USP25: variants seen among roughly 807,000 people sequenced by gnomAD.
USP25 encodes ubiquitin specific peptidase 25.
In USP25, 85 loss-of-function variants were observed where a neutral mutation model predicts 158.5. The ratio of observed to expected loss-of-function variants is 0.54; its 90% CI spans 0.45 to 0.64. The LOEUF (loss-of-function observed/expected upper bound fraction) is 0.64, where lower values mean the gene tolerates loss of function less well. Among genes scored for constraint, USP25 ranks in the 30% least tolerant of loss-of-function variants. The pLI, the probability that USP25 is intolerant of heterozygous loss-of-function variation, is 0.00. For synonymous variants in USP25, 464 were observed against 460.4 expected, an observed-to-expected ratio of 1.01 and a Z score of -0.10; for missense variants, 1,242 against 1,327.3, an observed-to-expected ratio of 0.94 and a Z score of 1.00.
At chr21:15,781,468 A>T (rs1172015903) in intron 4 of USP25, among the ~76,000 whole-genome samples, 1 of 152,160 alleles carries the variant, frequency 6.6e-6, no homozygotes, top group Non-Finnish European at 1.5e-5. Flanking sequence ...GACTGATGGG[A>T]AGTGATGTCA....
chr21:15,839,792 C>T (rs1227959471), intron 17 of USP25, among the ~76,000 whole-genome samples: 1 of 152,098 alleles, frequency 6.6e-6, no homozygotes, highest in Admixed American at 6.6e-5. Flanking sequence ...TTCATCTACA[C>T]CAGATTACTC....
chr21:15,799,274 G>A (rs1447541555), intron 5 of USP25, among the ~76,000 whole-genome samples: 3 of 151,136 alleles, frequency 2.0e-5, no homozygotes, highest in Non-Finnish European at 4.5e-5. Context: ...TCTATTACAT[G>A]TCTGTCTCCT....
At chr21:15,811,017 G>C in intron 8 of USP25, 120 bp from the exon 9 acceptor site, 1 of 803,448 alleles carries the variant, frequency 1.2e-6, no homozygotes, top group Admixed American at 2.6e-5. Flanking sequence ...AGAGCTAAAT[G>C]CAAGTGCGTG....
chr21:15,788,096 G>A (rs887440260), intron 4 of USP25, among the ~76,000 whole-genome samples: 4 of 151,910 alleles, frequency 2.6e-5, no homozygotes, highest in Non-Finnish European at 5.9e-5. Flanking sequence ...TGATAGGTCA[G>A]ACTCGTTTTT....
chr21:15,878,247 C>A, intron 25 of USP25, 56 bp from the exon 26 acceptor site: 1 of 1,559,700 alleles, frequency 6.4e-7, no homozygotes, highest in Admixed American at 1.9e-5. Flanking sequence ...ATCATGTTGA[C>A]AATGATCGTG....
At chr21:15,751,823 T>C (rs1161689585) in intron 1 of USP25, among the ~76,000 whole-genome samples, 1 of 152,226 alleles carries the variant, frequency 6.6e-6, no homozygotes, top group Non-Finnish European at 1.5e-5. Context: ...ACTTAGCTTA[T>C]AGTGCTGAGT....
chr21:15,815,873 G>A (rs1033251116), intron 9 of USP25, among the ~76,000 whole-genome samples: 5 of 152,190 alleles, frequency 3.3e-5, no homozygotes, highest in Non-Finnish European at 5.9e-5. Flanking sequence ...TTACAGGCTT[G>A]TAGGCGGAAG....
At chr21:15,854,703 G>C (rs1392888069) in intron 20 of USP25, among the ~76,000 whole-genome samples, 1 of 152,262 alleles carries the variant, frequency 6.6e-6, no homozygotes, top group East Asian at 1.9e-4. Context: ...AAGTGGACTT[G>C]CTAAAGTTTA....
At chr21:15,771,683 T>C (rs9983205) in intron 3 of USP25, among the ~76,000 whole-genome samples, 16,734 of 123,558 alleles carry the variant, frequency 0.14, 938 homozygotes, top group African/African-American at 0.27. Context: ...TTTTTTTTTC[T>C]TTTTTTTTCC....
At chr21:15,787,902 A>T (rs867785366) in intron 4 of USP25, among the ~76,000 whole-genome samples, 4 of 83,642 alleles carry the variant, frequency 4.8e-5, no homozygotes, top group East Asian at 4.0e-4. Flanking sequence ...ACACCCCCTC[A>T]CCCCCCCCCC....
At position 15,864,355 on chromosome 21, in the gene USP25, G is replaced by A. The variant is rs142929561; in HGVS notation, c.2635G>A (p.Val879Ile). 3.3e-5 allele frequency: 54 copies of A among 1,613,438 alleles called. No homozygotes were observed. Among genetic ancestry groups the A allele is most frequent in the Non-Finnish European group, 4.2e-5 (50 of 1,179,868 alleles). The part of the protein sequence containing the change: ...ETDYRLHHVV[V>I]YFIQNQAPKK... ...CGATTATCGTTTACATCATGTAGTG[G>A]TCTACTTTATCCAGAACCAGGCACC... Residue 879 changes from valine (V) to isoleucine (I), a missense_variant, in exon 21 of 26, where the codon GTC becomes ATC. By Grantham distance (29) the Val-to-Ile change is conservative (BLOSUM62 3). Coordinates refer to ENST00000400183, the MANE Select transcript of USP25 (RefSeq NM_001283041.3).
At chr21:15,833,584 A>G (rs374474940) in intron 17 of USP25, 36 bp downstream of exon 17, 6 of 1,552,330 alleles carry the variant, frequency 3.9e-6, no homozygotes, top group Non-Finnish European at 4.4e-6. Context: ...TTTGATTATC[A>G]ATATTATTTT....
rs751328708 is a variant in USP25, at chr21:15,877,965, G to C, written c.3179G>C (p.Cys1060Ser). The C allele has an allele frequency of 6.2e-7, 1 of 1,611,342 alleles. No homozygotes were observed. Among genetic ancestry groups the C allele is most frequent in the Non-Finnish European group, 8.5e-7 (1 of 1,178,968 alleles). The change falls in exon 25 of 26, where the codon TGT becomes TCT. Residue 1060 changes from cysteine to serine, a missense_variant. Coordinates refer to ENST00000400183, the MANE Select transcript of USP25 (RefSeq NM_001283041.3). ...LAVEDMRNRWCSYLGQEMEPH... is the reference protein window; with the variant it reads ...LAVEDMRNRWSSYLGQEMEPH... Reference sequence around the variant, plus strand: ...GTAGAAGATATGAGAAATCGATGGTGTTCCTACCTTGGTCAAGAAATGGAA... The same window carrying C: ...GTAGAAGATATGAGAAATCGATGGTCTTCCTACCTTGGTCAAGAAATGGAA...
At chr21:15,847,829 C>A in intron 19 of USP25, 53 bp downstream of exon 19, 4 of 1,278,060 alleles carry the variant, frequency 3.1e-6, no homozygotes, top group South Asian at 1.3e-5. Flanking sequence ...CTATTTAATA[C>A]AAATACTTTG....
At chr21:15,808,731 C>T in intron 7 of USP25, 78 bp from the exon 8 acceptor site, 2 of 999,976 alleles carry the variant, frequency 2.0e-6, no homozygotes, top group Non-Finnish European at 2.9e-6. Flanking sequence ...CAACAACTGG[C>T]TCTAGGTTTG....
At chr21:15,828,706 C>T (rs1052145043) in intron 14 of USP25, among the ~76,000 whole-genome samples, 8 of 152,148 alleles carry the variant, frequency 5.3e-5, no homozygotes, top group Admixed American at 2.6e-4. Context: ...GGCATGAACT[C>T]GGGCTCACTC....
At chr21:15,814,456 G>A (rs1173566321) in intron 9 of USP25, among the ~76,000 whole-genome samples, 1 of 152,160 alleles carries the variant, frequency 6.6e-6, no homozygotes, top group Non-Finnish European at 1.5e-5. Flanking sequence ...GAAGAAGATA[G>A]GAAAATGTGG....
chr21:15,765,253 C>T (rs17307170), intron 2 of USP25, among the ~76,000 whole-genome samples: 11,573 of 152,090 alleles, frequency 0.076, 497 homozygotes, highest in East Asian at 0.092. Flanking sequence ...GTTTTACTTG[C>T]TGTCAGTTGT....
At position 15,831,414 on chromosome 21, in the gene USP25, T is replaced by C; in HGVS notation, c.1778T>C (p.Leu593Ser). The part of the protein sequence containing the change: ...DKSMIQVPYR[L>S]HAVLVHEGQA... The stretch of plus-strand genomic sequence containing the variant: ...TTTCACATTTAGGTTCCTTATCGAT[T>C]ACATGCCGTTTTAGTTCACGAAGGC... The change falls in exon 16 of 26, where the codon TTA (leucine) becomes TCA (serine). Residue 593 changes from leucine to serine, a missense_variant. Coordinates refer to ENST00000400183, the MANE Select transcript of USP25 (RefSeq NM_001283041.3). The C allele has an allele frequency of 1.9e-6, 3 of 1,614,072 alleles. No homozygotes were observed. Among genetic ancestry groups the C allele is most frequent in the Non-Finnish European group, 2.5e-6 (3 of 1,179,934 alleles).
Sources: allele counts gnomAD v4.1 joint callset (sites outside exome capture counted in the v4.1 genomes callset), GRCh38; gene constraint gnomAD v4.1.1; transcripts MANE v1.5; gene names NCBI Gene and HGNC (gene_info 2026-07-23, HGNC 2026-07-21).